The following ASAP2 variants were observed in gnomAD, a reference collection of about 807,000 sequenced individuals.
ASAP2 encodes the protein ArfGAP with SH3 domain, ankyrin repeat and PH domain 2.
A neutral mutation model predicts 131.4 loss-of-function variants in ASAP2; 45 were observed. The ratio of observed to expected loss-of-function variants is 0.34; its 90% confidence interval spans 0.27 to 0.44. The LOEUF (loss-of-function observed/expected upper bound fraction) is 0.44, where lower values mean the gene tolerates loss of function less well. Ranked by LOEUF, ASAP2 falls within the 20% of genes least tolerant of loss-of-function variation. ASAP2 has a pLI of 1.00. For synonymous variants in ASAP2, 510 were observed against 503.0 expected, an observed-to-expected ratio of 1.01 and a Z score of -0.19; for missense variants, 1,011 against 1,297.0, an observed-to-expected ratio of 0.78 and a Z score of 3.39.
intron 16 of ASAP2, among the ~76,000 whole-genome samples, chr2:9,368,803 T>G (rs1283239382): frequency 6.6e-6 from 1 of 152,072 alleles, no homozygotes; most frequent in Admixed American, 6.5e-5. Context: ...GACCCTGGAC[T>G]TTTCACCTGT....
chr2:9,388,683 A>C, intron 22 of ASAP2, 137 bp downstream of exon 22: 1 of 1,276,454 alleles, frequency 7.8e-7, no homozygotes, highest in Non-Finnish European at 1.0e-6. Flanking sequence ...TTGCTTCCTA[A>C]AGGGATTCCA....
chr2:9,301,820 C>CTTTTTTTTTTTTTTTTTTTTTTTTTTTTT (rs1177064910), intron 3 of ASAP2, among the ~76,000 whole-genome samples: 1 of 115,410 alleles, frequency 8.7e-6, no homozygotes, highest in African/African-American at 3.5e-5. Context: ...TATCCATCAT[C>CTTTTTTTTTTTTTTTTTTTTTTTTTTTTT]TTTTTTTTTT....
At chr2:9,292,196 C>T (rs1667858745) in intron 2 of ASAP2, among the ~76,000 whole-genome samples, 1 of 152,044 alleles carries the variant, frequency 6.6e-6, no homozygotes, top group Non-Finnish European at 1.5e-5. Flanking sequence ...ACCTGTGCTG[C>T]CCTGTGGCGA....
At position 9,323,225 on chromosome 2, in the gene ASAP2, G is replaced by A. The variant is rs207461514; in HGVS notation, c.575G>A (p.Arg192His). The A allele has an allele frequency of 5.0e-6, 8 of 1,614,254 alleles. No individual in the cohort carries two copies. The highest frequency in any genetic ancestry group is 2.2e-5 in the South Asian group (2 of 91,090). Residue 192 changes from arginine to histidine, a missense_variant, in exon 6 of 28, where the codon CGC becomes CAC. Around this residue, in one of 2 missense-constraint regions of ASAP2, gnomAD observed 359 missense variants for 598.1 expected, o/e 0.60. Coordinates refer to ENST00000281419, the MANE Select transcript of ASAP2 (RefSeq NM_003887.3). Reference sequence around the variant, plus strand: ...GCCGAAGAGATGGAAAAGGAGAGGCGCTTCTTCCAGCTACAGATGTGCGAG... The same window carrying A: ...GCCGAAGAGATGGAAAAGGAGAGGCACTTCTTCCAGCTACAGATGTGCGAG... The part of the protein sequence containing the change: ...EIAEEMEKER[R>H]FFQLQMCEYL...
chr2:9,292,998 C>T (rs1240098932), intron 2 of ASAP2, among the ~76,000 whole-genome samples: 2 of 152,176 alleles, frequency 1.3e-5, no homozygotes, highest in African/African-American at 4.8e-5. Flanking sequence ...CATGTGTGGC[C>T]CGTAGAGGGG....
intron 1 of ASAP2, among the ~76,000 whole-genome samples, chr2:9,252,765 A>T (rs1317580113): frequency 2.6e-5 from 4 of 151,754 alleles, no homozygotes; most frequent in Middle Eastern, 3.4e-3. Context: ...AATACAAAAA[A>T]ATTAGCCAGG....
chr2:9,351,406 A>T (rs1342341692), intron 12 of ASAP2, among the ~76,000 whole-genome samples: 1 of 152,336 alleles, frequency 6.6e-6, no homozygotes, highest in East Asian at 1.9e-4. Context: ...GGCGTTCACA[A>T]AAGAATCCCC....
intron 2 of ASAP2, among the ~76,000 whole-genome samples, chr2:9,293,120 T>A (rs1215667778): frequency 6.6e-6 from 1 of 152,194 alleles, no homozygotes; most frequent in Non-Finnish European, 1.5e-5. Context: ...TCCAGTAAAC[T>A]AAAAAGCACA....
chr2:9,395,323 A>G (rs978641272), intron 24 of ASAP2, among the ~76,000 whole-genome samples: 4 of 151,986 alleles, frequency 2.6e-5, no homozygotes, highest in Non-Finnish European at 5.9e-5. Context: ...AAATACAAAA[A>G]AATTAGCTGG....
At position 9,314,762 on chromosome 2, in the gene ASAP2, C is replaced by T. The variant is rs150202462; in HGVS notation, c.346-3762C>T. Among the ~76,000 whole-genome samples, 1,132 of 151,878 alleles carry T rather than the reference C, an allele frequency of 7.5e-3. 5 individuals are homozygous for T. Among genetic ancestry groups the T allele is most frequent in the Admixed American group, 0.018 (267 of 15,252 alleles). On this transcript the variant is annotated intron_variant, in intron 3 of 27. Transcript: ENST00000281419. ...CAGCCTGACCAACATGGTGAAACCC[C>T]GTCTCTACTAAAAATACAAAAAGCC...
At chr2:9,227,909 A>G (rs909283960) in intron 1 of ASAP2, among the ~76,000 whole-genome samples, 2 of 152,260 alleles carry the variant, frequency 1.3e-5, no homozygotes, top group African/African-American at 4.8e-5. Flanking sequence ...TAACTTAGAA[A>G]TATTTGCATG....
chr2:9,387,078 T>A lies in ASAP2; in HGVS notation c.2131-1216T>A, dbSNP rs4668618. Reference sequence around the variant, plus strand: ...AAAATTAGCCGGGCTTGGTGGTGGGTGGGGGGGCGCCTGTAGTCCCAGCTA... The same window carrying A: ...AAAATTAGCCGGGCTTGGTGGTGGGAGGGGGGGCGCCTGTAGTCCCAGCTA... On this transcript the variant is annotated intron_variant, in intron 21 of 27. Coordinates refer to ENST00000281419, the MANE Select transcript of ASAP2 (RefSeq NM_003887.3). Among the ~76,000 whole-genome samples, 497 of 142,050 alleles carry A rather than the reference T, an allele frequency of 3.5e-3. 8 individuals are homozygous for A. Among genetic ancestry groups the A allele is most frequent in the Non-Finnish European group, 5.0e-3 (328 of 66,042 alleles). 93.2% of individuals were successfully genotyped at this position (142,050 alleles called of 152,430 possible).
intron 12 of ASAP2, among the ~76,000 whole-genome samples, chr2:9,352,637 G>A (rs1672433713): frequency 6.6e-6 from 1 of 152,230 alleles, no homozygotes; most frequent in Non-Finnish European, 1.5e-5. Context: ...GACGGCAAGT[G>A]TGCATGCCTC....
intron 24 of ASAP2, among the ~76,000 whole-genome samples, chr2:9,394,386 G>C (rs1050573922): frequency 6.6e-6 from 1 of 151,956 alleles, no homozygotes; most frequent in Non-Finnish European, 1.5e-5. Context: ...GGATGGTCTC[G>C]ATCTCCTGAC....
At chr2:9,375,186 G>GAC (rs1674304841) in intron 17 of ASAP2, among the ~76,000 whole-genome samples, 1 of 151,998 alleles carries the variant, frequency 6.6e-6, no homozygotes, top group Non-Finnish European at 1.5e-5. Flanking sequence ...GGAGGCTGGG[G>GAC]TGAGAGGAAT....
intron 1 of ASAP2, among the ~76,000 whole-genome samples, chr2:9,220,529 C>G (rs1002008767): frequency 6.6e-6 from 1 of 152,136 alleles, no homozygotes; most frequent in African/African-American, 2.4e-5. Flanking sequence ...GGAGAACTAT[C>G]TATTCAAATC....
intron 1 of ASAP2, among the ~76,000 whole-genome samples, chr2:9,247,829 TCTG>T (rs1319759573): frequency 6.6e-6 from 1 of 152,240 alleles, no homozygotes; most frequent in Non-Finnish European, 1.5e-5. Context: ...GGGTTTAAAA[TCTG>T]CTGCTAAACT....
chr2:9,359,215 A>G (rs1400977539), intron 15 of ASAP2, among the ~76,000 whole-genome samples: 4 of 152,262 alleles, frequency 2.6e-5, no homozygotes, highest in Admixed American at 6.5e-5. Context: ...GTGGAATGCA[A>G]CGTCTAAAGA....
intron 3 of ASAP2, among the ~76,000 whole-genome samples, chr2:9,303,847 C>T (rs1348610529): frequency 6.6e-6 from 1 of 152,186 alleles, no homozygotes; most frequent in Non-Finnish European, 1.5e-5. Flanking sequence ...AACCCCCATA[C>T]AGAGAAAGTG....
Sources: allele counts gnomAD v4.1 joint callset (sites outside exome capture counted in the v4.1 genomes callset), GRCh38; gene constraint gnomAD v4.1.1; regional missense constraint gnomAD v4.1.1; transcripts MANE v1.5; gene names NCBI Gene and HGNC (gene_info 2026-07-23, HGNC 2026-07-21).